The following EBF1 variants were observed in gnomAD, a reference collection of about 807,000 sequenced individuals.
EBF1 encodes the protein transcription factor COE1.
EBF1 carries 10 observed loss-of-function variants against 68.4 expected under a neutral mutation model. The ratio of observed to expected loss-of-function variants is 0.15; its 90% CI spans 0.09 to 0.25. The LOEUF (loss-of-function observed/expected upper bound fraction) is 0.25. EBF1 is among the 10% of genes least tolerant of loss of function. The pLI is 1.00. For missense variants in EBF1, 509 were observed against 794.4 expected, an observed-to-expected ratio of 0.64 and a Z score of 4.32; for synonymous variants, 298 against 299.8, an observed-to-expected ratio of 0.99 and a Z score of 0.06.
chr5:158,916,261 A>T (rs1218664623), intron 6 of EBF1, among the ~76,000 whole-genome samples: 6 of 152,174 alleles, frequency 3.9e-5, no homozygotes, highest in African/African-American at 1.4e-4. Context: ...ATATCTCAAG[A>T]TCATTAAGTA....
chr5:158,833,454 C>A (rs1002579956), intron 7 of EBF1, among the ~76,000 whole-genome samples: 1 of 152,300 alleles, frequency 6.6e-6, no homozygotes, highest in South Asian at 2.1e-4. Flanking sequence ...CAGCTAATGG[C>A]AATTATTCTA....
chr5:159,009,745 C>T (rs1331368772), intron 6 of EBF1, among the ~76,000 whole-genome samples: 1 of 149,132 alleles, frequency 6.7e-6, no homozygotes, highest in Non-Finnish European at 1.5e-5. Context: ...GCACTCCAGC[C>T]TGGGCAAGAG....
At chr5:158,836,776 G>A (rs1475336172) in intron 7 of EBF1, among the ~76,000 whole-genome samples, 1 of 152,154 alleles carries the variant, frequency 6.6e-6, no homozygotes. Context: ...AGTGGGTGAT[G>A]GGAACAAAGC....
intron 6 of EBF1, among the ~76,000 whole-genome samples, chr5:158,935,519 GCA>G (rs1398605097): frequency 6.6e-6 from 1 of 152,122 alleles, no homozygotes; most frequent in Admixed American, 6.5e-5. Flanking sequence ...GTGCACGCGT[GCA>G]CACACAGATA....
At chr5:158,829,351 T>G (rs1786959776) in intron 7 of EBF1, among the ~76,000 whole-genome samples, 2 of 151,730 alleles carry the variant, frequency 1.3e-5, no homozygotes, top group South Asian at 4.2e-4. Context: ...TTTTTTTTTT[T>G]TTTGTATTTT....
chr5:158,839,674 C>T (rs1021093070), intron 7 of EBF1, among the ~76,000 whole-genome samples: 3 of 152,180 alleles, frequency 2.0e-5, no homozygotes, highest in Non-Finnish European at 4.4e-5. Flanking sequence ...TGAGCCACTG[C>T]GCTCAGCCTC....
chr5:158,833,197 T>C (rs978520306), intron 7 of EBF1, among the ~76,000 whole-genome samples: 68 of 151,596 alleles, frequency 4.5e-4, no homozygotes, highest in African/African-American at 1.6e-3. Context: ...TCCCAGCTAC[T>C]CTGAAGGCTG....
intron 11 of EBF1, among the ~76,000 whole-genome samples, chr5:158,724,520 C>T (rs185255661): frequency 1.3e-4 from 20 of 152,254 alleles, no homozygotes; most frequent in African/African-American, 4.3e-4. Flanking sequence ...ATAGTCTTTG[C>T]ATAAAGACTA....
chr5:158,897,575 C>T (rs981438977), intron 6 of EBF1, among the ~76,000 whole-genome samples: 1 of 150,852 alleles, frequency 6.6e-6, no homozygotes, highest in African/African-American at 2.4e-5. Flanking sequence ...TGAACTTAAA[C>T]GTTAAAAAAA....
intron 6 of EBF1, among the ~76,000 whole-genome samples, chr5:159,009,519 G>C (rs1764218126): frequency 6.6e-6 from 1 of 152,156 alleles, no homozygotes. Context: ...AAACTTTAGA[G>C]TGAGAATTCA....
At chr5:158,959,655 G>C (rs1817783288) in intron 6 of EBF1, among the ~76,000 whole-genome samples, 1 of 151,646 alleles carries the variant, frequency 6.6e-6, no homozygotes, top group South Asian at 2.1e-4. Flanking sequence ...TAAGACAAAA[G>C]AATATATATG....
chr5:158,898,999 G>A (rs1007587289), intron 6 of EBF1, among the ~76,000 whole-genome samples: 2 of 152,232 alleles, frequency 1.3e-5, no homozygotes, highest in African/African-American at 2.4e-5. Flanking sequence ...AATGAATGCA[G>A]AGGAACTATC....
intron 6 of EBF1, among the ~76,000 whole-genome samples, chr5:159,025,949 T>C (rs1456393809): frequency 2.0e-5 from 3 of 152,204 alleles, no homozygotes; most frequent in African/African-American, 7.2e-5. Context: ...GAGCATCTAT[T>C]TGGGGATATG....
intron 6 of EBF1, among the ~76,000 whole-genome samples, chr5:158,907,081 C>T (rs542801101): frequency 3.5e-4 from 54 of 152,304 alleles, no homozygotes; most frequent in African/African-American, 1.2e-3. Context: ...CCAGGAAAGT[C>T]CCCAGGCAAA....
chr5:159,043,749 TA>T (rs1771734930), intron 6 of EBF1, among the ~76,000 whole-genome samples: 1 of 152,156 alleles, frequency 6.6e-6, no homozygotes, highest in Non-Finnish European at 1.5e-5. Context: ...AACAAAACCA[TA>T]AATGTCTCTC....
chr5:158,804,198 T>G (rs1024652760), intron 8 of EBF1, among the ~76,000 whole-genome samples: 2 of 151,916 alleles, frequency 1.3e-5, no homozygotes, highest in African/African-American at 4.8e-5. Context: ...TCACAGGCAC[T>G]ATTTGGAAAT....
chr5:158,864,152 A>C (rs1288380747), intron 6 of EBF1, among the ~76,000 whole-genome samples: 1 of 136,962 alleles, frequency 7.3e-6, no homozygotes, highest in African/African-American at 2.8e-5. Context: ...TGAACCCGGG[A>C]GGTGGAGGTT....
intron 10 of EBF1, among the ~76,000 whole-genome samples, chr5:158,749,212 A>G (rs899058975): frequency 1.3e-5 from 2 of 152,152 alleles, no homozygotes; most frequent in Admixed American, 1.3e-4. Flanking sequence ...TTACAATTGG[A>G]CTTTGTGAAA....
intron 6 of EBF1, among the ~76,000 whole-genome samples, chr5:159,042,586 CTG>C (rs112231991): frequency 0.091 from 13,535 of 148,544 alleles, 654 homozygotes; most frequent in Non-Finnish European, 0.12. Flanking sequence ...AATTCTTTGC[CTG>C]TGTGTGTGTG....
Sources: gnomAD v4.1 joint callset for allele counts (sites outside exome capture counted in the v4.1 genomes callset) on GRCh38, gnomAD v4.1.1 for gene constraint, MANE v1.5 for transcripts, NCBI Gene and HGNC (gene_info 2026-07-23, HGNC 2026-07-21) for gene names.